The following CNTNAP5 variants were observed in gnomAD, a reference collection of about 807,000 sequenced individuals.
CNTNAP5 encodes contactin associated protein family member 5.
In CNTNAP5, 72 loss-of-function variants were observed where a neutral mutation model predicts 150.2. That is an observed-to-expected ratio of 0.48 (90% CI 0.40 to 0.58). The LOEUF is 0.58. Among genes scored for constraint, CNTNAP5 ranks in the 20% least tolerant of loss-of-function variants. The probability of loss-of-function intolerance (pLI) is 0.00; values close to 1 mark genes in which losing one functional copy is unlikely to be tolerated. For missense variants in CNTNAP5, 1,636 were observed against 1,626.2 expected (o/e 1.01, Z -0.10); for synonymous variants, 672 against 619.8 (o/e 1.08, Z -1.25).
At chr2:124,780,864 C>T (rs951375436) in intron 17 of CNTNAP5, among the ~76,000 whole-genome samples, 2 of 152,244 alleles carry the variant, frequency 1.3e-5, no homozygotes, top group African/African-American at 4.8e-5. Flanking sequence ...TTGGTCTGGA[C>T]TGAGAATAAA....
In CNTNAP5 at chr2:124,116,890, G is replaced by A. The variant is rs115083941; in HGVS notation, c.82+91158G>A. Among the ~76,000 whole-genome samples the A allele has an allele frequency of 4.5e-3, 683 of 152,284 alleles. 4 individuals carry two copies. The highest frequency in any genetic ancestry group is 7.3e-3 in the Non-Finnish European group (498 of 68,018). The stretch of plus-strand genomic sequence containing the variant: ...TCCCAATACAGCTTACTGCCAGTGA[G>A]CTAGAATCCAGGCTGAAATAAAGCA... On this transcript the variant is annotated intron_variant, in intron 1 of 23. Coordinates refer to ENST00000682447, the MANE Select transcript of CNTNAP5 (RefSeq NM_001367498.1).
At chr2:124,445,405 C>A (rs1692789108) in intron 5 of CNTNAP5, among the ~76,000 whole-genome samples, 1 of 151,988 alleles carries the variant, frequency 6.6e-6, no homozygotes, top group South Asian at 2.1e-4. Context: ...GCTCATAATA[C>A]CTTTCTATAG....
chr2:124,362,157 C>G (rs915100592), intron 3 of CNTNAP5, among the ~76,000 whole-genome samples: 4 of 152,224 alleles, frequency 2.6e-5, no homozygotes, highest in African/African-American at 9.6e-5. Flanking sequence ...AATGCCTCGC[C>G]CTGCTTCGGC....
At chr2:124,148,420 G>A (rs1684308896) in intron 1 of CNTNAP5, among the ~76,000 whole-genome samples, 1 of 147,410 alleles carries the variant, frequency 6.8e-6, no homozygotes, top group African/African-American at 2.5e-5. Flanking sequence ...AGGGACTAGT[G>A]GTGGTTTTGT....
At position 124,817,409 on chromosome 2, in the gene CNTNAP5, A is replaced by C. The variant is rs373113945; in HGVS notation, c.3217+19089A>C. Among the ~76,000 whole-genome samples the C allele has an allele frequency of 1.2e-4, 18 of 152,328 alleles. No homozygotes were observed. The East Asian group carries it at 3.5e-3, about 29-fold the overall frequency. On this transcript the variant is annotated intron_variant, in intron 19 of 23. Coordinates refer to ENST00000682447, the MANE Select transcript of CNTNAP5 (RefSeq NM_001367498.1). ...GTACAATTATTCCTTATACTTCAAA[A>C]AAAAAGTAAAACAACACAACACACA... is the stretch of plus-strand genomic sequence containing the variant.
chr2:124,156,318 G>A (rs1264321349), intron 1 of CNTNAP5, among the ~76,000 whole-genome samples: 4 of 152,230 alleles, frequency 2.6e-5, no homozygotes, highest in African/African-American at 9.6e-5. Context: ...TGATTATCAC[G>A]CTGATCTGTG....
intron 1 of CNTNAP5, among the ~76,000 whole-genome samples, chr2:124,030,720 G>A (rs1478474298): frequency 3.3e-5 from 5 of 152,066 alleles, no homozygotes; most frequent in Non-Finnish European, 7.4e-5. Context: ...CCAAAGATAA[G>A]AGCCTCATCT....
chr2:124,150,362 G>A (rs1684376467), intron 1 of CNTNAP5, among the ~76,000 whole-genome samples: 1 of 152,190 alleles, frequency 6.6e-6, no homozygotes, highest in Non-Finnish European at 1.5e-5. Context: ...CATGGAGGTT[G>A]TAGTTACAAC....
At chr2:124,507,467 A>G (rs1694438147) in intron 8 of CNTNAP5, among the ~76,000 whole-genome samples, 1 of 152,128 alleles carries the variant, frequency 6.6e-6, no homozygotes, top group South Asian at 2.1e-4. Context: ...TCAAAAAAAC[A>G]AAACAACAAC....
At chr2:124,603,002 TCTCC>T (rs55819925) in intron 11 of CNTNAP5, among the ~76,000 whole-genome samples, 66,653 of 137,264 alleles carry the variant, frequency 0.49, 16,604 homozygotes, top group Non-Finnish European at 0.54. Context: ...ATCTTCCCTC[TCTCC>T]CTCCCTCCCT....
chr2:124,450,003 T>G (rs1692925650), intron 6 of CNTNAP5, among the ~76,000 whole-genome samples: 1 of 152,042 alleles, frequency 6.6e-6, no homozygotes, highest in Non-Finnish European at 1.5e-5. Flanking sequence ...AGAAGCAAGA[T>G]CCAGACCCCT....
At chr2:124,323,192 C>A (rs902993237) in intron 3 of CNTNAP5, among the ~76,000 whole-genome samples, 1 of 152,152 alleles carries the variant, frequency 6.6e-6, no homozygotes, top group Non-Finnish European at 1.5e-5. Flanking sequence ...GTCAGGAACA[C>A]TTTCCCAGAG....
chr2:124,842,256 G>T (rs762814514), intron 19 of CNTNAP5, among the ~76,000 whole-genome samples: 4 of 152,136 alleles, frequency 2.6e-5, no homozygotes, highest in Non-Finnish European at 5.9e-5. Flanking sequence ...GTAGCTCGAT[G>T]AAATCTCTAA....
intron 21 of CNTNAP5, among the ~76,000 whole-genome samples, chr2:124,886,166 G>A (rs1678075572): frequency 6.6e-6 from 1 of 152,034 alleles, no homozygotes; most frequent in African/African-American, 2.4e-5. Context: ...TCCTACATTT[G>A]TGTATCCAAG....
intron 3 of CNTNAP5, among the ~76,000 whole-genome samples, chr2:124,297,062 G>A (rs766688253): frequency 2.6e-5 from 4 of 152,060 alleles, no homozygotes; most frequent in Admixed American, 6.5e-5. Flanking sequence ...TACTTTCTCT[G>A]GCATCAGCAA....
intron 13 of CNTNAP5, among the ~76,000 whole-genome samples, chr2:124,660,043 A>AAGAAAGG (rs1558724333): frequency 0.06 from 7,869 of 130,658 alleles, 235 homozygotes; most frequent in African/African-American, 0.073. Flanking sequence ...AGGAAGGAAG[A>AAGAAAGG]AAGGAAGGAA....
chr2:124,330,745 T>C (rs549578723), intron 3 of CNTNAP5, among the ~76,000 whole-genome samples: 87 of 151,140 alleles, frequency 5.8e-4, no homozygotes, highest in Middle Eastern at 3.4e-3. Context: ...CCAATACAAA[T>C]AATTTCCAAA....
chr2:124,452,335 A>G lies in CNTNAP5; in HGVS notation c.918+5398A>G, dbSNP rs530934949. On this transcript the variant is annotated intron_variant, in intron 6 of 23. Coordinates refer to ENST00000682447, the MANE Select transcript of CNTNAP5 (RefSeq NM_001367498.1). ...GCACCCATAATCCTTCTAGGAACAT[A>G]ACTTCATTGACCTGGGAACCTCACC... Among the ~76,000 whole-genome samples the G allele has an allele frequency of 2.6e-5, 4 of 152,064 alleles. No individual in the cohort carries two copies. The South Asian group carries it at 8.3e-4, about 32-fold the overall frequency.
chr2:124,372,213 T>A (rs1690545171), intron 3 of CNTNAP5, among the ~76,000 whole-genome samples: 2 of 152,094 alleles, frequency 1.3e-5, no homozygotes, highest in African/African-American at 4.8e-5. Context: ...ATCTTTGGAC[T>A]CTGTGACTTA....
Sources: gnomAD v4.1 joint callset for allele counts (sites outside exome capture counted in the v4.1 genomes callset) on GRCh38, gnomAD v4.1.1 for gene constraint, MANE v1.5 for transcripts, NCBI Gene and HGNC (gene_info 2026-07-23, HGNC 2026-07-21) for gene names.